Variants in ZBTB20 observed in about 807,000 individuals in gnomAD.
The protein encoded by ZBTB20 is zinc finger and BTB domain containing 20.
A neutral mutation model predicts 56.9 loss-of-function variants in ZBTB20; 9 were observed. The ratio of observed to expected loss-of-function variants is 0.16; its 90% CI spans 0.10 to 0.28. The LOEUF (loss-of-function observed/expected upper bound fraction) is 0.28. Ranked by LOEUF, ZBTB20 falls within the 10% of genes least tolerant of loss-of-function variation. ZBTB20 has a pLI of 1.00. For missense variants in ZBTB20, 655 were observed against 1,003.0 expected, an observed-to-expected ratio of 0.65 and a Z score of 4.69; for synonymous variants, 417 against 420.7, an observed-to-expected ratio of 0.99 and a Z score of 0.11.
At chr3:114,865,615 CA>C (rs139576132) in intron 4 of ZBTB20, among the ~76,000 whole-genome samples, 1 of 152,242 alleles carries the variant, frequency 6.6e-6, no homozygotes, top group East Asian at 1.9e-4. Context: ...TTCTCCCTCT[CA>C]AAAAAGTTTC....
At chr3:114,421,049 T>C (rs888615419) in intron 7 of ZBTB20, among the ~76,000 whole-genome samples, 22 of 152,194 alleles carry the variant, frequency 1.4e-4, no homozygotes, top group Admixed American at 6.6e-5. Context: ...AAGAAGCTTA[T>C]ATTTCTAAAA....
At chr3:114,620,818 A>G (rs1231353272) in intron 6 of ZBTB20, among the ~76,000 whole-genome samples, 1 of 152,202 alleles carries the variant, frequency 6.6e-6, no homozygotes, top group Non-Finnish European at 1.5e-5. Context: ...TGCTAAATGA[A>G]GGTAGATTTG....
At chr3:114,342,065 C>CT (rs1394565053) in intron 11 of ZBTB20, among the ~76,000 whole-genome samples, 1 of 152,144 alleles carries the variant, frequency 6.6e-6, no homozygotes, top group South Asian at 2.1e-4. Context: ...TATTAAGGTG[C>CT]TGTGATGGTG....
chr3:115,002,566 A>G (rs2079297097), intron 2 of ZBTB20, among the ~76,000 whole-genome samples: 1 of 151,778 alleles, frequency 6.6e-6, no homozygotes, highest in South Asian at 2.1e-4. Context: ...AAAGAAATGC[A>G]GATGAAAAAC....
rs2079382873 is a variant in ZBTB20, at chr3:114,334,523, C to G, written c.*4482G>C. ...AGGACTGAATGTGAAACAAACATAC[C>G]TGGAGGAAAACTTTTTTCATTATCA... On this transcript the variant is annotated 3_prime_UTR_variant, in exon 12 of 12. Coordinates refer to ENST00000675478, the MANE Select transcript of ZBTB20 (RefSeq NM_001348800.3). The G allele has an allele frequency of 6.6e-6, 1 of 152,138 alleles. No homozygotes were observed. Among genetic ancestry groups the G allele is most frequent in the Non-Finnish European group, 1.5e-5 (1 of 68,030 alleles). The allele number at this position is 152,138 out of a possible 1,614,324, so 9.4% of individuals were successfully genotyped here.
At chr3:115,006,934 T>TA (rs946717377) in intron 2 of ZBTB20, among the ~76,000 whole-genome samples, 23 of 151,718 alleles carry the variant, frequency 1.5e-4, no homozygotes, top group African/African-American at 2.9e-4. Flanking sequence ...TTCTTTTTAT[T>TA]AAAAAAAACT....
intron 4 of ZBTB20, among the ~76,000 whole-genome samples, chr3:114,872,769 C>A (rs2076058986): frequency 6.6e-6 from 1 of 151,990 alleles, no homozygotes; most frequent in African/African-American, 2.4e-5. Context: ...ACTGCAAGTG[C>A]CAAAATTCAA....
intron 4 of ZBTB20, among the ~76,000 whole-genome samples, chr3:114,844,373 T>TATATATATATATATATATATA (rs1467342908): frequency 1.1e-5 from 1 of 88,286 alleles, no homozygotes; most frequent in Admixed American, 1.1e-4. Context: ...ATATATATAT[T>TATATATATATATATATATATA]AGCTGAGAGT....
intron 2 of ZBTB20, among the ~76,000 whole-genome samples, chr3:115,021,293 T>C (rs1329431688): frequency 6.6e-6 from 1 of 150,912 alleles, no homozygotes; most frequent in Non-Finnish European, 1.5e-5. Flanking sequence ...CCTAAACATA[T>C]GAAGTTCAGC....
chr3:115,063,580 A>G (rs1010226113), intron 2 of ZBTB20, among the ~76,000 whole-genome samples: 1 of 152,122 alleles, frequency 6.6e-6, no homozygotes, highest in African/African-American at 2.4e-5. Context: ...TTGAGGTGAC[A>G]CAAACATTCA....
At chr3:114,786,511 T>C (rs1291382977) in intron 5 of ZBTB20, among the ~76,000 whole-genome samples, 1 of 152,046 alleles carries the variant, frequency 6.6e-6, no homozygotes, top group Non-Finnish European at 1.5e-5. Flanking sequence ...AACTAAAAAA[T>C]TGAATTAATA....
intron 7 of ZBTB20, among the ~76,000 whole-genome samples, chr3:114,438,096 A>T (rs1051823773): frequency 1.3e-5 from 2 of 152,142 alleles, no homozygotes; most frequent in Admixed American, 6.6e-5. Context: ...GAGTAAGAAG[A>T]ATAAAAGGAT....
chr3:114,735,720 T>C (rs1344740883), intron 5 of ZBTB20, among the ~76,000 whole-genome samples: 1 of 152,158 alleles, frequency 6.6e-6, no homozygotes, highest in Non-Finnish European at 1.5e-5. Flanking sequence ...ATCTTGTTTA[T>C]AATAATTGTA....
rs2078934277 is a variant in ZBTB20 at position 114,322,633 on chromosome 3, T to A, written c.*16372A>T. The A allele has an allele frequency of 6.6e-6, 1 of 152,222 alleles. No homozygotes were observed. The highest frequency in any genetic ancestry group is 1.9e-4 in the East Asian group (1 of 5,200). The allele number at this position is 152,222 out of a possible 1,614,324, so 9.4% of individuals were successfully genotyped here. A position where few individuals can be genotyped will look rare whatever the true frequency, so the allele number is the denominator to read the frequency against. ...TTTCTATAGCTTTGGTTTGGTGCAGTCAATGTCCTCTTAGTGATTACCCAA... is the reference window on the plus strand; with the variant it reads ...TTTCTATAGCTTTGGTTTGGTGCAGACAATGTCCTCTTAGTGATTACCCAA... On this transcript the variant is annotated 3_prime_UTR_variant, in exon 12 of 12. Transcript: ENST00000675478.
At chr3:114,769,685 G>C (rs899673016) in intron 5 of ZBTB20, among the ~76,000 whole-genome samples, 1 of 150,962 alleles carries the variant, frequency 6.6e-6, no homozygotes, top group Non-Finnish European at 1.5e-5. Context: ...TCTAAGTGAA[G>C]TAACTCCAGA....
chr3:114,768,557 A>G (rs950964308), intron 5 of ZBTB20, among the ~76,000 whole-genome samples: 2 of 152,146 alleles, frequency 1.3e-5, no homozygotes, highest in African/African-American at 4.8e-5. Flanking sequence ...CAAATAAACA[A>G]TAATAAACTA....
At chr3:114,495,512 A>G (rs994623119) in intron 7 of ZBTB20, among the ~76,000 whole-genome samples, 2 of 152,220 alleles carry the variant, frequency 1.3e-5, no homozygotes, top group Non-Finnish European at 2.9e-5. Flanking sequence ...TGTAAATAGA[A>G]CTTAAATCTG....
intron 1 of ZBTB20, among the ~76,000 whole-genome samples, chr3:115,103,212 T>C (rs909624586): frequency 1.3e-5 from 2 of 152,164 alleles, no homozygotes; most frequent in Non-Finnish European, 2.9e-5. Context: ...TGTGTTGATA[T>C]GTCATGGGGC....
Position 114,326,807 on chromosome 3 carries a change from T to TGCAC in ZBTB20, c.*12194_*12197dup. The TGCAC allele has an allele frequency of 6.6e-6, 1 of 152,338 alleles. No homozygotes were observed. The highest frequency in any genetic ancestry group is 2.1e-4 in the South Asian group (1 of 4,830). 9.4% of individuals were successfully genotyped at this position (152,338 alleles called of 1,614,324 possible). ...ACTTTCTTTGAAGGAATTGCATCTA[T>TGCAC]GCACACTTATCCTGAAGTCCAGTGC... On this transcript the variant is annotated 3_prime_UTR_variant, in exon 12 of 12. Coordinates refer to ENST00000675478, the MANE Select transcript of ZBTB20 (RefSeq NM_001348800.3).
Sources: allele counts gnomAD v4.1 joint callset (sites outside exome capture counted in the v4.1 genomes callset), GRCh38; gene constraint gnomAD v4.1.1; transcripts MANE v1.5; gene names NCBI Gene and HGNC (gene_info 2026-07-23, HGNC 2026-07-21).